Variants in ADAMTS12 observed in about 807,000 individuals in gnomAD.
The protein encoded by ADAMTS12 is A disintegrin and metalloproteinase with thrombospondin motifs 12.
Under a neutral mutation model 167.8 loss-of-function variants are expected in ADAMTS12, and 118 were observed. The ratio of observed to expected loss-of-function variants is 0.70; its 90% confidence interval spans 0.61 to 0.82. The LOEUF is 0.82. Ranked by LOEUF, ADAMTS12 falls within the 40% of genes least tolerant of loss-of-function variation. ADAMTS12 has a pLI of 0.00. For synonymous variants in ADAMTS12, 704 were observed against 716.9 expected, an observed-to-expected ratio of 0.98 and a Z score of 0.29; for missense variants, 1,916 against 1,998.8, an observed-to-expected ratio of 0.96 and a Z score of 0.79.
intron 3 of ADAMTS12, among the ~76,000 whole-genome samples, chr5:33,697,788 A>G (rs1202187621): frequency 2.0e-5 from 3 of 152,222 alleles, no homozygotes; most frequent in Non-Finnish European, 4.4e-5. Flanking sequence ...AGTTCAGATT[A>G]TACGAACTGA....
intron 13 of ADAMTS12, among the ~76,000 whole-genome samples, chr5:33,628,463 C>T (rs1216446069): frequency 1.3e-5 from 2 of 152,120 alleles, no homozygotes; most frequent in Non-Finnish European, 2.9e-5. Context: ...CCTCCCAGAA[C>T]AAATTCAGTT....
chr5:33,845,270 A>C (rs1748901576), intron 2 of ADAMTS12, among the ~76,000 whole-genome samples: 1 of 152,168 alleles, frequency 6.6e-6, no homozygotes, highest in African/African-American at 2.4e-5. Flanking sequence ...TCTTCAGAGG[A>C]GGGAGAAAAA....
chr5:33,621,402 A>T lies in ADAMTS12; in HGVS notation c.2143+2829T>A, dbSNP rs1345120386. Among the ~76,000 whole-genome samples, 7 of 122,970 alleles carry T rather than the reference A, an allele frequency of 5.7e-5. No individual in the cohort carries two copies. In the East Asian group the frequency reaches 3.3e-3, roughly 59 times the overall value. 80.7% of individuals were successfully genotyped at this position (122,970 alleles called of 152,430 possible). A position where few individuals can be genotyped will look rare whatever the true frequency, so the allele number is the denominator to read the frequency against. On this transcript the variant is annotated intron_variant, in intron 14 of 23. Transcript: ENST00000504830. ...GTGACACAGCAAGACTCCATCTCAAAAAAAAAAAAAAAAAAAAGAATATTC... is the reference window on the plus strand; with the variant it reads ...GTGACACAGCAAGACTCCATCTCAATAAAAAAAAAAAAAAAAAGAATATTC...
At chr5:33,748,348 C>T (rs1334292019) in intron 3 of ADAMTS12, among the ~76,000 whole-genome samples, 4 of 152,216 alleles carry the variant, frequency 2.6e-5, no homozygotes, top group African/African-American at 9.6e-5. Context: ...TCTAGAAAGT[C>T]GATCTTAGAG....
chr5:33,541,386 T>C (rs1264030126), intron 22 of ADAMTS12, among the ~76,000 whole-genome samples: 1 of 152,162 alleles, frequency 6.6e-6, no homozygotes, highest in Non-Finnish European at 1.5e-5. Flanking sequence ...AGGAGAAGAA[T>C]GGAACCAAGT....
chr5:33,811,854 TGGA>T (rs1482291308), intron 2 of ADAMTS12, among the ~76,000 whole-genome samples: 1 of 151,852 alleles, frequency 6.6e-6, no homozygotes, highest in Non-Finnish European at 1.5e-5. Flanking sequence ...ACGGTTCTGG[TGGA>T]GGAGGAGAGA....
intron 3 of ADAMTS12, among the ~76,000 whole-genome samples, chr5:33,719,426 C>T (rs367747824): frequency 6.6e-6 from 1 of 152,182 alleles, no homozygotes; most frequent in East Asian, 1.9e-4. Flanking sequence ...CTCAATTTGG[C>T]AATGTCTGTA....
At chr5:33,725,457 T>TGATA (rs1223022868) in intron 3 of ADAMTS12, among the ~76,000 whole-genome samples, 2 of 152,244 alleles carry the variant, frequency 1.3e-5, no homozygotes, top group Non-Finnish European at 2.9e-5. Context: ...TCCCCACTTA[T>TGATA]GATACTAAAT....
intron 3 of ADAMTS12, among the ~76,000 whole-genome samples, chr5:33,740,154 C>T (rs568670772): frequency 4.9e-4 from 75 of 152,290 alleles, no homozygotes; most frequent in African/African-American, 1.8e-3. Flanking sequence ...TCCCAGTTTC[C>T]AGTCCATTTC....
chr5:33,808,122 C>T (rs1448949496), intron 2 of ADAMTS12, among the ~76,000 whole-genome samples: 2 of 152,148 alleles, frequency 1.3e-5, no homozygotes, highest in Non-Finnish European at 2.9e-5. Flanking sequence ...AAAGCACGAG[C>T]CGCGTACAGA....
intron 16 of ADAMTS12, among the ~76,000 whole-genome samples, chr5:33,596,860 T>C (rs1219305109): frequency 6.6e-6 from 1 of 152,202 alleles, no homozygotes; most frequent in Non-Finnish European, 1.5e-5. Flanking sequence ...GTTTGAGATG[T>C]TATGTTTTTT....
At chr5:33,802,493 TG>T (rs1747051517) in intron 2 of ADAMTS12, among the ~76,000 whole-genome samples, 1 of 152,216 alleles carries the variant, frequency 6.6e-6, no homozygotes, top group Non-Finnish European at 1.5e-5. Flanking sequence ...GACCACCCAC[TG>T]GTGCTATGGT....
At chr5:33,780,960 G>T (rs73759100) in intron 2 of ADAMTS12, among the ~76,000 whole-genome samples, 31 of 152,172 alleles carry the variant, frequency 2.0e-4, no homozygotes, top group South Asian at 1.0e-3. Flanking sequence ...TGACAAATAC[G>T]TTCCCTTTTC....
chr5:33,575,033 TG>T (rs1261893157), intron 19 of ADAMTS12, among the ~76,000 whole-genome samples: 4 of 152,172 alleles, frequency 2.6e-5, no homozygotes, highest in Non-Finnish European at 5.9e-5. Context: ...AGGATGTAAT[TG>T]GTTCTAGAAA....
chr5:33,620,955 A>C (rs1739294420), intron 14 of ADAMTS12, among the ~76,000 whole-genome samples: 1 of 152,200 alleles, frequency 6.6e-6, no homozygotes, highest in Admixed American at 6.5e-5. Context: ...TTTGCTTAGC[A>C]AATCAATTTT....
chr5:33,685,260 G>A (rs1742280720), intron 3 of ADAMTS12, among the ~76,000 whole-genome samples: 1 of 152,210 alleles, frequency 6.6e-6, no homozygotes, highest in Admixed American at 6.5e-5. Context: ...GCAGGAGGAA[G>A]GGACACTCAA....
At chr5:33,706,310 A>G (rs1309811103) in intron 3 of ADAMTS12, among the ~76,000 whole-genome samples, 1 of 152,078 alleles carries the variant, frequency 6.6e-6, no homozygotes, top group Non-Finnish European at 1.5e-5. Context: ...AAAGTCCCCC[A>G]CTATTATTGT....
At chr5:33,587,003 A>G (rs1205797755) in intron 18 of ADAMTS12, among the ~76,000 whole-genome samples, 2 of 149,958 alleles carry the variant, frequency 1.3e-5, no homozygotes, top group East Asian at 3.9e-4. Flanking sequence ...CTCCCACTGG[A>G]TGGAAGTTCT....
intron 2 of ADAMTS12, among the ~76,000 whole-genome samples, chr5:33,804,354 C>T (rs946621940): frequency 1.3e-5 from 2 of 152,172 alleles, no homozygotes; most frequent in Non-Finnish European, 2.9e-5. Context: ...CCTTCTGCAC[C>T]CCCATCACTG....
Sources: gnomAD v4.1 joint callset for allele counts (sites outside exome capture counted in the v4.1 genomes callset) on GRCh38, gnomAD v4.1.1 for gene constraint, MANE v1.5 for transcripts, NCBI Gene and HGNC (gene_info 2026-07-23, HGNC 2026-07-21) for gene names.